TULP4: variants seen among roughly 807,000 people sequenced by gnomAD.
TULP4 encodes TUB like protein 4, also known as tubby-related protein 4.
Under a neutral mutation model 129.0 loss-of-function variants are expected in TULP4, and 16 were observed. The ratio of observed to expected loss-of-function variants is 0.12; its 90% CI spans 0.08 to 0.19. TULP4 has a LOEUF of 0.19. Ranked by LOEUF, TULP4 falls within the 10% of genes least tolerant of loss-of-function variation. The pLI is 1.00. For missense variants in TULP4, 1,842 were observed against 2,059.1 expected (o/e 0.89, Z 2.04); for synonymous variants, 998 against 854.0 (o/e 1.17, Z -2.94).
intron 1 of TULP4, among the ~76,000 whole-genome samples, chr6:158,403,899 AG>A (rs1017300020): frequency 6.6e-5 from 10 of 152,194 alleles, no homozygotes; most frequent in Non-Finnish European, 7.3e-5. Context: ...AACTGCATCT[AG>A]GTTTGAGTGG....
intron 1 of TULP4, among the ~76,000 whole-genome samples, chr6:158,350,319 TG>T (rs1780482204): frequency 6.7e-6 from 1 of 149,798 alleles, no homozygotes; most frequent in South Asian, 2.2e-4. Context: ...ACTTCCTAGA[TG>T]GGGTGGCGGG....
rs924391924 is a variant in TULP4 at position 158,313,817 on chromosome 6, A to C, written c.-200A>C. The C allele has an allele frequency of 1.7e-6, 1 of 586,424 alleles. No individual in the cohort carries two copies. The highest frequency in any genetic ancestry group is 2.9e-6 in the Non-Finnish European group (1 of 343,270). The allele number at this position is 586,424 out of a possible 1,614,324, so 36.3% of individuals were successfully genotyped here. ...TCTTAGAAGACTGCCATCATCTTTT[A>C]TAGAGGAATTTTTTCACTATGCATT... On this transcript the variant is annotated 5_prime_UTR_variant, in exon 1 of 14. Transcript: ENST00000367097.
intron 1 of TULP4, among the ~76,000 whole-genome samples, chr6:158,362,783 G>C (rs973450140): frequency 6.6e-6 from 1 of 152,174 alleles, no homozygotes; most frequent in African/African-American, 2.4e-5. Context: ...TCCATGCAAA[G>C]TCACAGTCTT....
rs919838640 is a variant in TULP4, at chr6:158,476,773, G to A, written c.1027-2978G>A. On this transcript the variant is annotated intron_variant, in intron 6 of 13. Coordinates refer to ENST00000367097, the MANE Select transcript of TULP4 (RefSeq NM_020245.5). ...GACTAAGGGGCCATCTGGGGCTCAC[G>A]ATTTTGTATGTGATGGACAAATGGT... is the stretch of plus-strand genomic sequence containing the variant. Among the ~76,000 whole-genome samples, 17 of 152,344 alleles carry A rather than the reference G, an allele frequency of 1.1e-4. No homozygotes were observed. In the East Asian group the frequency reaches 2.7e-3, roughly 24 times the overall value.
chr6:158,275,180 G>C (rs1778622367), intron 1 of TULP4, among the ~76,000 whole-genome samples: 1 of 152,188 alleles, frequency 6.6e-6, no homozygotes, highest in South Asian at 2.1e-4. Context: ...CCACTGTCTG[G>C]AGCCCACGCG....
chr6:158,449,497 A>T (rs1779121355), intron 4 of TULP4, among the ~76,000 whole-genome samples: 1 of 152,188 alleles, frequency 6.6e-6, no homozygotes. Flanking sequence ...CTGCTTAGTG[A>T]CAATAAAGAA....
intron 6 of TULP4, among the ~76,000 whole-genome samples, chr6:158,463,119 A>G (rs1014149672): frequency 6.6e-6 from 1 of 152,168 alleles, no homozygotes; most frequent in African/African-American, 2.4e-5. Flanking sequence ...TCCTTACGCC[A>G]AAGAGGCAGA....
At chr6:158,388,314 T>C (rs933252766) in intron 1 of TULP4, among the ~76,000 whole-genome samples, 2 of 134,856 alleles carry the variant, frequency 1.5e-5, no homozygotes, top group East Asian at 4.0e-4. Context: ...AATAATCTGC[T>C]CGTTTTTCTT....
chr6:158,452,237 G>T lies in TULP4; in HGVS notation c.828G>T (p.Leu276Phe). ...DISLMNNYDD[L>F]SPTVIRSGLK... is the part of the protein sequence containing the mutation. ...GCTTAATGAACAACTACGATGACTTGTCTCCCACGGTCATCCGCTCAGGGC... is the reference window on the plus strand; with the variant it reads ...GCTTAATGAACAACTACGATGACTTTTCTCCCACGGTCATCCGCTCAGGGC... The change falls in exon 5 of 14, where the codon TTG becomes TTT. Residue 276 changes from leucine to phenylalanine, a missense_variant. Leu to Phe is a conservative substitution (Grantham distance 22). Transcript: ENST00000367097. The T allele has an allele frequency of 4.3e-6, 7 of 1,614,148 alleles. No homozygotes were observed. Among genetic ancestry groups the T allele is most frequent in the Non-Finnish European group, 5.9e-6 (7 of 1,180,038 alleles).
intron 8 of TULP4, among the ~76,000 whole-genome samples, chr6:158,487,579 C>T (rs1224525581): frequency 6.6e-6 from 1 of 152,246 alleles, no homozygotes; most frequent in African/African-American, 2.4e-5. Flanking sequence ...TTACATTTTT[C>T]TACGACTTAG....
rs572621368 is a variant in TULP4 at position 158,373,599 on chromosome 6, A to G, written c.253-39466A>G. Among the ~76,000 whole-genome samples the G allele has an allele frequency of 3.6e-4, 55 of 152,288 alleles. 2 individuals carry two copies. The South Asian group carries it at 5.6e-3, about 15-fold the overall frequency. On this transcript the variant is annotated intron_variant, in intron 1 of 13. Coordinates refer to ENST00000367097, the MANE Select transcript of TULP4 (RefSeq NM_020245.5). ...GTAATACTGTCTTAATGAAATTAAT[A>G]CTTTTCAAGGAGAAGACATTTGGAT...
chr6:158,260,101 C>T (rs1778324297), intron 1 of TULP4, among the ~76,000 whole-genome samples: 1 of 152,180 alleles, frequency 6.6e-6, no homozygotes, highest in Non-Finnish European at 1.5e-5. Flanking sequence ...GCCCTCTAAT[C>T]ATATGCTTGG....
At chr6:158,352,774 A>G (rs1724958291) in intron 1 of TULP4, among the ~76,000 whole-genome samples, 1 of 152,188 alleles carries the variant, frequency 6.6e-6, no homozygotes, top group South Asian at 2.1e-4. Flanking sequence ...ATCCATTAAA[A>G]CATTGTTTTT....
At chr6:158,483,699 C>G (rs1465689291) in intron 8 of TULP4, among the ~76,000 whole-genome samples, 1 of 152,148 alleles carries the variant, frequency 6.6e-6, no homozygotes, top group Admixed American at 6.5e-5. Context: ...ACCACCACCC[C>G]CATGCAAATC....
chr6:158,308,783 C>T (rs1298724134), upstream of TULP4, among the ~76,000 whole-genome samples: 7 of 142,312 alleles, frequency 4.9e-5, no homozygotes, highest in African/African-American at 7.9e-5. Flanking sequence ...CCCTCCCGGA[C>T]GGGGCAGCTG....
At position 158,508,133 on chromosome 6, in the gene TULP4, C is replaced by G. The variant is rs1057104406; in HGVS notation, c.*1439C>G. On this transcript the variant is annotated 3_prime_UTR_variant, in exon 14 of 14. Transcript: ENST00000367097. ...GTATTCAAGCCCTGATGACAAAACC[C>G]AGTGTTTTTTGTTGTTGTTTTTTGT... 1 of 152,114 alleles carries G rather than the reference C, an allele frequency of 6.6e-6. No homozygotes were observed. Among genetic ancestry groups the G allele is most frequent in the African/African-American group, 2.4e-5 (1 of 41,406 alleles). 9.4% of individuals were successfully genotyped at this position (152,114 alleles called of 1,614,324 possible).
intron 1 of TULP4, among the ~76,000 whole-genome samples, chr6:158,285,757 A>T (rs1048707612): frequency 3.5e-4 from 54 of 152,250 alleles, no homozygotes; most frequent in African/African-American, 1.3e-3. Context: ...GCCTAGATGG[A>T]CAATGTGGGT....
chr6:158,271,112 T>C (rs1778538150), intron 1 of TULP4, among the ~76,000 whole-genome samples: 1 of 147,534 alleles, frequency 6.8e-6, no homozygotes, highest in Non-Finnish European at 1.5e-5. Context: ...ATCGCGCCAC[T>C]GTACTCCAGC....
intron 1 of TULP4, among the ~76,000 whole-genome samples, chr6:158,373,655 A>G (rs557175208): frequency 2.6e-5 from 4 of 152,306 alleles, no homozygotes; most frequent in Admixed American, 2.6e-4. Context: ...TAGGTATCTG[A>G]AAGGCTAACT....
Sources: allele counts gnomAD v4.1 joint callset (sites outside exome capture counted in the v4.1 genomes callset), GRCh38; gene constraint gnomAD v4.1.1; transcripts MANE v1.5; gene names NCBI Gene and HGNC (gene_info 2026-07-23, HGNC 2026-07-21).